The following CAST variants were observed in gnomAD, a reference collection of about 807,000 sequenced individuals.
The protein encoded by CAST is MIR583 host.
In CAST, 76 loss-of-function variants were observed where a neutral mutation model predicts 119.6. The observed-to-expected ratio is 0.64, with a 90% CI of 0.53 to 0.77. CAST has a LOEUF of 0.77. Ranked by LOEUF, CAST falls within the 30% of genes least tolerant of loss-of-function variation. CAST has a pLI of 0.00. For missense variants in CAST, 953 were observed against 946.5 expected (o/e 1.01, Z -0.09); for synonymous variants, 319 against 331.6 (o/e 0.96, Z 0.41).
chr5:96,252,256 A>C, the CAST span, among the ~76,000 whole-genome samples: 2 of 152,174 alleles, frequency 1.3e-5, no homozygotes, highest in Non-Finnish European at 2.9e-5. Context: ...ATGCATTTTT[A>C]CTATTACCTC....
the CAST span, among the ~76,000 whole-genome samples, chr5:96,135,469 G>C: frequency 6.6e-6 from 1 of 152,256 alleles, no homozygotes; most frequent in African/African-American, 2.4e-5. Flanking sequence ...GATGTATGGT[G>C]GTGGTTTAGG....
chr5:96,583,061 G>A (rs889739094), intron 1 of CAST, among the ~76,000 whole-genome samples: 8 of 152,256 alleles, frequency 5.3e-5, no homozygotes, highest in East Asian at 1.9e-4. Flanking sequence ...CTGAGAAATC[G>A]CTGTTAGAAT....
At chr5:96,563,994 G>A (rs1746428053) in intron 1 of CAST, among the ~76,000 whole-genome samples, 1 of 152,180 alleles carries the variant, frequency 6.6e-6, no homozygotes, top group Non-Finnish European at 1.5e-5. Context: ...CACTGACACA[G>A]GCTCTGTAGG....
At chr5:96,204,533 A>G in the CAST span, among the ~76,000 whole-genome samples, 1 of 152,080 alleles carries the variant, frequency 6.6e-6, no homozygotes, top group Non-Finnish European at 1.5e-5. Context: ...ACAGAACTTC[A>G]TGGAGCATGG....
rs1746159569 is a variant in CAST at position 96,552,770 on chromosome 5, T to A, written c.60+22890T>A. ...AGAAATACACACTATGATCAGAGAATACTATAAACACCTCTATGCAAATAA... is the reference window on the plus strand; with the variant it reads ...AGAAATACACACTATGATCAGAGAAAACTATAAACACCTCTATGCAAATAA... On this transcript the variant is annotated intron_variant, in intron 1 of 11. Transcript: ENST00000505143. Among the ~76,000 whole-genome samples, 3 of 152,156 alleles carry A rather than the reference T, an allele frequency of 2.0e-5. No homozygotes were observed. The South Asian group carries it at 6.2e-4, about 32-fold the overall frequency.
the CAST span, among the ~76,000 whole-genome samples, chr5:96,234,575 TC>T: frequency 3.9e-5 from 6 of 152,184 alleles, no homozygotes; most frequent in African/African-American, 1.2e-4. Flanking sequence ...CGAGTTTCCT[TC>T]TAGCTTTCCT....
At chr5:96,069,391 G>A in the CAST span, among the ~76,000 whole-genome samples, 1 of 151,422 alleles carries the variant, frequency 6.6e-6, no homozygotes, top group South Asian at 2.1e-4. Flanking sequence ...GTCTATGTGT[G>A]TGTGTGTGTG....
chr5:96,070,116 A>G, the CAST span, among the ~76,000 whole-genome samples: 141 of 152,240 alleles, frequency 9.3e-4, no homozygotes, highest in Admixed American at 3.9e-3. Context: ...CCCTCAAATG[A>G]TTGGATGAGG....
At chr5:96,286,030 G>A in the CAST span, among the ~76,000 whole-genome samples, 2 of 152,182 alleles carry the variant, frequency 1.3e-5, no homozygotes, top group South Asian at 4.1e-4. Flanking sequence ...CTAGTTGCAG[G>A]TTTTATTTTA....
At chr5:96,314,941 G>A in the CAST span, among the ~76,000 whole-genome samples, 1 of 152,174 alleles carries the variant, frequency 6.6e-6, no homozygotes, top group South Asian at 2.1e-4. Flanking sequence ...AATGATAGAA[G>A]CATTTGCTAA....
chr5:96,174,645 T>G, the CAST span, among the ~76,000 whole-genome samples: 1 of 152,260 alleles, frequency 6.6e-6, no homozygotes, highest in East Asian at 1.9e-4. Flanking sequence ...GTTTTAAGAA[T>G]TTTTAGAAAT....
At chr5:96,058,026 A>C in the CAST span, among the ~76,000 whole-genome samples, 2 of 152,046 alleles carry the variant, frequency 1.3e-5, no homozygotes, top group Non-Finnish European at 2.9e-5. Context: ...TTGATTCTTG[A>C]CCTTATTCAG....
At chr5:96,476,275 T>A in the CAST span, among the ~76,000 whole-genome samples, 1 of 152,254 alleles carries the variant, frequency 6.6e-6, no homozygotes, top group African/African-American at 2.4e-5. Flanking sequence ...AGAATTATTT[T>A]TATTGATTTT....
At chr5:96,245,623 A>G in the CAST span, among the ~76,000 whole-genome samples, 1 of 66,336 alleles carries the variant, frequency 1.5e-5, no homozygotes, top group Non-Finnish European at 2.8e-5. Flanking sequence ...GTGTAATGGA[A>G]AAAAAAAAAA....
chr5:96,069,385 A>C, the CAST span, among the ~76,000 whole-genome samples: 58 of 96,156 alleles, frequency 6.0e-4, no homozygotes, highest in Non-Finnish European at 9.6e-4. Context: ...GTGTGTGTCT[A>C]TGTGTGTGTG....
At chr5:96,567,908 T>C (rs546065546) in intron 1 of CAST, among the ~76,000 whole-genome samples, 1 of 152,282 alleles carries the variant, frequency 6.6e-6, no homozygotes, top group South Asian at 2.1e-4. Flanking sequence ...TTTGGCCTTT[T>C]AATCTGCTTT....
chr5:96,710,093 T>G (rs775050374), intron 3 of CAST, among the ~76,000 whole-genome samples: 12 of 152,202 alleles, frequency 7.9e-5, no homozygotes, highest in Admixed American at 2.0e-4. Flanking sequence ...ATGTATGCCT[T>G]TGTCCCAGTC....
the CAST span, among the ~76,000 whole-genome samples, chr5:96,190,346 G>T: frequency 6.6e-6 from 1 of 152,144 alleles, no homozygotes; most frequent in South Asian, 2.1e-4. Context: ...GGGGAAGGGA[G>T]ATCAGAAAGT....
the CAST span, among the ~76,000 whole-genome samples, chr5:96,383,198 G>C: frequency 2.6e-5 from 4 of 152,114 alleles, no homozygotes; most frequent in African/African-American, 9.7e-5. Context: ...CCTGAGGAAA[G>C]AATTTATAAA....
Sources: allele counts gnomAD v4.1 joint callset (sites outside exome capture counted in the v4.1 genomes callset), GRCh38; gene constraint gnomAD v4.1.1; transcripts MANE v1.5; gene names NCBI Gene and HGNC (gene_info 2026-07-23, HGNC 2026-07-21).